ADAMTS18: variants seen among roughly 807,000 people sequenced by gnomAD.
The protein encoded by ADAMTS18 is ADAM metallopeptidase with thrombospondin type 1 motif 18.
Under a neutral mutation model 165.9 loss-of-function variants are expected in ADAMTS18, and 157 were observed. That is an observed-to-expected ratio of 0.95 (90% CI 0.83 to 1.08). The LOEUF is 1.08. Ranked by LOEUF, ADAMTS18 falls within the 50% of genes least tolerant of loss-of-function variation. ADAMTS18 has a pLI of 0.00. For missense variants in ADAMTS18, 2,040 were observed against 1,534.0 expected, an observed-to-expected ratio of 1.33 and a Z score of -5.51; for synonymous variants, 782 against 578.2, an observed-to-expected ratio of 1.35 and a Z score of -5.06.
At chr16:77,300,939 A>T (rs1031782530) in intron 16 of ADAMTS18, among the ~76,000 whole-genome samples, 1 of 152,224 alleles carries the variant, frequency 6.6e-6, no homozygotes, top group African/African-American at 2.4e-5. Flanking sequence ...ACCCCCACTT[A>T]GAGTTGCTAT....
At chr16:77,298,519 C>T (rs901950713) in intron 17 of ADAMTS18, among the ~76,000 whole-genome samples, 11 of 152,108 alleles carry the variant, frequency 7.2e-5, no homozygotes, top group African/African-American at 1.7e-4. Context: ...AGGCCGGGCA[C>T]GATGGCTCAC....
intron 3 of ADAMTS18, among the ~76,000 whole-genome samples, chr16:77,378,692 G>T (rs960936214): frequency 6.6e-6 from 1 of 152,074 alleles, no homozygotes; most frequent in Non-Finnish European, 1.5e-5. Context: ...TCCAACCTGG[G>T]TGACAGAGTG....
intron 13 of ADAMTS18, 135 bp from the exon 14 acceptor site, chr16:77,322,601 A>G (rs1176090301): frequency 9.2e-7 from 1 of 1,089,060 alleles, no homozygotes; most frequent in Non-Finnish European, 1.3e-6. Context: ...GTTTGCACAT[A>G]TAAGCCCATA....
Position 77,283,722 on chromosome 16 carries a change from A to AAGTC in ADAMTS18, c.*230_*233dup. ...CAGTGCAAATCAAAGATTTTTTTTA[A>AAGTC]AGTCAGATTTGTCATCGCTTCCCAT... On this transcript the variant is annotated 3_prime_UTR_variant, in exon 23 of 23. Coordinates refer to ENST00000282849, the MANE Select transcript of ADAMTS18 (RefSeq NM_199355.4). The AAGTC allele has an allele frequency of 1.9e-6, 1 of 519,518 alleles. No individual in the cohort carries two copies. Among genetic ancestry groups the AAGTC allele is most frequent in the Non-Finnish European group, 3.5e-6 (1 of 287,482 alleles). The allele number at this position is 519,518 out of a possible 1,614,324, so 32.2% of individuals were successfully genotyped here.
In ADAMTS18 at chr16:77,396,765, A is replaced by G. The variant is rs555756547; in HGVS notation, c.496-29042T>C. 6.0e-5 allele frequency among the ~76,000 whole-genome samples: 9 copies of G among 151,060 alleles called. No individual in the cohort carries two copies. The East Asian group carries it at 1.6e-3, about 26-fold the overall frequency. On this transcript the variant is annotated intron_variant, in intron 3 of 22. Coordinates refer to ENST00000282849, the MANE Select transcript of ADAMTS18 (RefSeq NM_199355.4). ...AGAGCTGCACATTAAACGCTATTCC[A>G]GCTTTGTTCACTAAACAAGTGCCAG...
At chr16:77,393,382 T>G (rs952232231) in intron 3 of ADAMTS18, among the ~76,000 whole-genome samples, 2 of 152,190 alleles carry the variant, frequency 1.3e-5, no homozygotes, top group Non-Finnish European at 2.9e-5. Flanking sequence ...CTTACACTGT[T>G]ACACATGAAC....
At chr16:77,416,919 G>T (rs1288062903) in intron 3 of ADAMTS18, among the ~76,000 whole-genome samples, 3 of 152,180 alleles carry the variant, frequency 2.0e-5, no homozygotes, top group Non-Finnish European at 2.9e-5. Context: ...AATTGCGCAT[G>T]TTTTTAACTG....
chr16:77,352,692 G>A (rs1256779348), intron 10 of ADAMTS18, among the ~76,000 whole-genome samples: 1 of 152,032 alleles, frequency 6.6e-6, no homozygotes, highest in Non-Finnish European at 1.5e-5. Context: ...AGGAAGAAGA[G>A]GAACAGGAGT....
At chr16:77,289,445 A>G in intron 21 of ADAMTS18, 34 bp from the exon 22 acceptor site, 1 of 1,611,700 alleles carries the variant, frequency 6.2e-7, no homozygotes, top group East Asian at 2.2e-5. Context: ...AGTCAGAAAC[A>G]CTCTACTGAG....
intron 8 of ADAMTS18, among the ~76,000 whole-genome samples, chr16:77,358,886 TTAAGTACATGC>T (rs1330885158): frequency 1.2e-4 from 18 of 152,208 alleles, no homozygotes; most frequent in African/African-American, 4.3e-4. Context: ...CAAAAGAATA[TTAAGTACATGC>T]AATGTTGCCA....
chr16:77,366,999 C>G (rs938585615), intron 4 of ADAMTS18, among the ~76,000 whole-genome samples: 6 of 152,102 alleles, frequency 3.9e-5, no homozygotes, highest in African/African-American at 1.4e-4. Context: ...AAGGTTGTAA[C>G]TAAGTCACAA....
chr16:77,294,891 A>G, intron 19 of ADAMTS18, 32 bp downstream of exon 19: 1 of 1,610,008 alleles, frequency 6.2e-7, no homozygotes, highest in African/African-American at 1.3e-5. Flanking sequence ...ATGGGGACCG[A>G]GAATAGTAAC....
Position 77,319,956 on chromosome 16 carries a change from G to T in ADAMTS18, c.2425C>A (p.Pro809Thr), listed in dbSNP as rs146872649. ...GTCCCAGCGAAGGGGAACTCCCCAG[G>T]CCAGTCGATGCTCCAGCCCCCGGTG... ...YLTGGWSIDW[P>T]GEFPFAGTTF... Residue 809 changes from proline (P) to threonine (T), a missense_variant, in exon 16 of 23, where the codon CCT becomes ACT. Transcript: ENST00000282849. 29 of 1,614,076 alleles carry T rather than the reference G, an allele frequency of 1.8e-5. No homozygotes were observed. Among genetic ancestry groups the T allele is most frequent in the Non-Finnish European group, 2.3e-5 (27 of 1,180,040 alleles).
At chr16:77,355,201 A>G in intron 9 of ADAMTS18, among the ~76,000 whole-genome samples, 1 of 46,972 alleles carries the variant, frequency 2.1e-5, no homozygotes, top group South Asian at 7.0e-4. Flanking sequence ...TAAAGGTAGG[A>G]TTGTGTGTGT....
At chr16:77,419,912 T>C (rs527978799) in intron 3 of ADAMTS18, among the ~76,000 whole-genome samples, 10 of 149,608 alleles carry the variant, frequency 6.7e-5, no homozygotes, top group African/African-American at 2.2e-4. Context: ...GGCAGGAGAA[T>C]TGCTTGAACC....
At chr16:77,398,579 C>G (rs1597224559) in intron 3 of ADAMTS18, among the ~76,000 whole-genome samples, 2 of 152,138 alleles carry the variant, frequency 1.3e-5, no homozygotes, top group African/African-American at 4.8e-5. Context: ...TGGTCTAGAT[C>G]ACGGTTTCTC....
At chr16:77,306,000 G>A (rs2055675095) in intron 16 of ADAMTS18, among the ~76,000 whole-genome samples, 3 of 152,266 alleles carry the variant, frequency 2.0e-5, no homozygotes, top group South Asian at 2.1e-4. Context: ...CAGGGTACAG[G>A]AGCACCGCAT....
chr16:77,345,310 C>A (rs541821099), intron 10 of ADAMTS18, among the ~76,000 whole-genome samples: 211 of 152,312 alleles, frequency 1.4e-3, no homozygotes, highest in Non-Finnish European at 2.6e-3. Context: ...TCACTGTCCC[C>A]ATCTCACTCT....
intron 10 of ADAMTS18, among the ~76,000 whole-genome samples, chr16:77,342,349 C>G (rs763272781): frequency 6.6e-6 from 1 of 152,144 alleles, no homozygotes; most frequent in African/African-American, 2.4e-5. Flanking sequence ...AAAATACTGC[C>G]TATCATTACT....
Sources: allele counts gnomAD v4.1 joint callset (sites outside exome capture counted in the v4.1 genomes callset), GRCh38; gene constraint gnomAD v4.1.1; transcripts MANE v1.5; gene names NCBI Gene and HGNC (gene_info 2026-07-23, HGNC 2026-07-21).